The following HEATR5A variants were observed in gnomAD, a reference collection of about 807,000 sequenced individuals.
HEATR5A encodes HEAT repeat containing 5A, also known as HEAT repeat-containing protein 5A.
Under a neutral mutation model 218.8 loss-of-function variants are expected in HEATR5A, and 178 were observed. The observed-to-expected ratio is 0.81, with a 90% CI of 0.72 to 0.92. HEATR5A has a LOEUF of 0.92. HEATR5A is among the 40% of genes least tolerant of loss of function. The pLI, the probability that HEATR5A is intolerant of heterozygous loss-of-function variation, is 0.00. For synonymous variants in HEATR5A, 864 were observed against 871.6 expected, an observed-to-expected ratio of 0.99 and a Z score of 0.15; for missense variants, 2,420 against 2,418.9, an observed-to-expected ratio of 1.00 and a Z score of -0.01.
intron 16 of HEATR5A, among the ~76,000 whole-genome samples, chr14:31,352,059 C>T (rs757825490): frequency 1.3e-5 from 2 of 152,138 alleles, no homozygotes; most frequent in Non-Finnish European, 2.9e-5. Flanking sequence ...ATTTCATGTC[C>T]TTATAGCACA....
intron 21 of HEATR5A, among the ~76,000 whole-genome samples, chr14:31,339,374 C>T (rs1352933840): frequency 2.0e-5 from 3 of 146,658 alleles, no homozygotes; most frequent in Admixed American, 6.9e-5. Context: ...CGCTTGAACC[C>T]GGGAGGCAGA....
At chr14:31,374,178 C>T (rs369410646) in intron 12 of HEATR5A, among the ~76,000 whole-genome samples, 1 of 151,774 alleles carries the variant, frequency 6.6e-6, no homozygotes, top group Non-Finnish European at 1.5e-5. Context: ...TGGTGGCATG[C>T]ACCTGTGGTC....
intron 11 of HEATR5A, among the ~76,000 whole-genome samples, chr14:31,375,523 T>C (rs1388638899): frequency 6.6e-6 from 1 of 152,102 alleles, no homozygotes; most frequent in East Asian, 1.9e-4. Context: ...CAGCTCAGCC[T>C]CCTGAGTAGC....
In HEATR5A at chr14:31,341,319, AT is replaced by A. The variant is rs528462303; in HGVS notation, c.3228+2576del. On this transcript the variant is annotated intron_variant, in intron 21 of 35. Transcript: ENST00000543095. ...ATATGTAACTTTTTTTTTGATGCCT[AT>A]TTTTTTTTCCTGCAGTAAATATGTA... Among the ~76,000 whole-genome samples the A allele has an allele frequency of 9.9e-5, 15 of 150,806 alleles. 1 individual carries two copies. The highest frequency in any genetic ancestry group is 2.4e-4 in the African/African-American group (10 of 41,128).
chr14:31,396,081 G>A (rs926220015), intron 4 of HEATR5A, among the ~76,000 whole-genome samples: 2 of 152,092 alleles, frequency 1.3e-5, no homozygotes, highest in African/African-American at 2.4e-5. Context: ...GCTTGGCTGG[G>A]TGCGGTGGCT....
chr14:31,413,545 G>A (rs537217883), intron 1 of HEATR5A, among the ~76,000 whole-genome samples: 19 of 152,092 alleles, frequency 1.2e-4, no homozygotes, highest in African/African-American at 4.3e-4. Context: ...AGAACACCCC[G>A]GAAGCGTAAA....
intron 15 of HEATR5A, 21 bp downstream of exon 15, chr14:31,358,873 A>G: frequency 6.2e-7 from 1 of 1,601,216 alleles, no homozygotes; most frequent in Non-Finnish European, 8.5e-7. Context: ...GAATCTAATC[A>G]AGAGTAAAAA....
chr14:31,386,407 C>T lies in HEATR5A; in HGVS notation c.1345+13G>A, dbSNP rs1367198981. On this transcript the variant is annotated intron_variant, in intron 9 of 35. Transcript: ENST00000543095. ...GTGTACAAGGTATTCCAATGAGTCA[C>T]AAACAGATATACCTGTACTTGAATC... 1.9e-6 allele frequency: 3 copies of T among 1,609,222 alleles called. No homozygotes were observed. Among genetic ancestry groups the T allele is most frequent in the Non-Finnish European group, 2.5e-6 (3 of 1,176,982 alleles).
intron 1 of HEATR5A, among the ~76,000 whole-genome samples, chr14:31,411,772 T>C (rs533462627): frequency 6.6e-6 from 1 of 152,342 alleles, no homozygotes; most frequent in Admixed American, 6.5e-5. Context: ...TGGTGTTCTA[T>C]AGAATACAAT....
intron 2 of HEATR5A, among the ~76,000 whole-genome samples, chr14:31,401,057 T>A (rs149791188): frequency 1.6e-3 from 248 of 152,210 alleles, no homozygotes; most frequent in South Asian, 9.3e-3. Context: ...GCCAGGATGG[T>A]CTCGATCTCC....
intron 13 of HEATR5A, among the ~76,000 whole-genome samples, chr14:31,365,385 G>A (rs1901764149): frequency 6.6e-6 from 1 of 151,912 alleles, no homozygotes; most frequent in Non-Finnish European, 1.5e-5. Flanking sequence ...TTCCGAGATG[G>A]AGTCTTGCTC....
chr14:31,345,913 C>T (rs193039460), intron 19 of HEATR5A, among the ~76,000 whole-genome samples: 6 of 135,028 alleles, frequency 4.4e-5, no homozygotes, highest in African/African-American at 7.7e-5. Flanking sequence ...CATGCACACA[C>T]GCACACACAC....
Position 31,337,555 on chromosome 14 carries a change from C to T in HEATR5A, c.3288G>A (p.Gln1096=). Reference sequence around the variant, plus strand: ...CTTCAGCTGCTTCTCTTTGTACAAGCTGACGTAAGCAAGCCAGTACTGCTC... The same window carrying T: ...CTTCAGCTGCTTCTCTTTGTACAAGTTGACGTAAGCAAGCCAGTACTGCTC... ...LRRAVLACLR[Q]LVQREAAEVS... Residue 1096 remains glutamine, a synonymous_variant, in exon 22 of 36, where the codon CAG becomes CAA. Coordinates refer to ENST00000543095, the MANE Select transcript of HEATR5A (RefSeq NM_015473.4). 3 of 1,587,328 alleles carry T rather than the reference C, an allele frequency of 1.9e-6. No homozygotes were observed. The highest frequency in any genetic ancestry group is 2.7e-5 in the African/African-American group (2 of 74,564).
chr14:31,379,605 A>G (rs1183601654), intron 11 of HEATR5A, among the ~76,000 whole-genome samples: 1 of 152,178 alleles, frequency 6.6e-6, no homozygotes. Flanking sequence ...GACTTAAAAT[A>G]TAGGTGTGAT....
At position 31,293,592 on chromosome 14, in the gene HEATR5A, G is replaced by A. The variant is rs780669918; in HGVS notation, c.5854C>T (p.Leu1952Phe). The A allele has an allele frequency of 1.1e-5, 18 of 1,610,484 alleles. No homozygotes were observed. The highest frequency in any genetic ancestry group is 1.2e-5 in the Non-Finnish European group (14 of 1,178,732). ...AGGAAGGAAATGAGGATGGGCAAAA[G>A]ACAGGCCACCAGCTGAGCGCCTAGA... ...EHHRAQLVAC[L>F]LPILISFLLD... is the part of the protein sequence containing the mutation. Residue 1952 changes from leucine to phenylalanine, a missense_variant, in exon 36 of 36, where the codon CTT (leucine) becomes TTT (phenylalanine). Transcript: ENST00000543095.
At chr14:31,385,991 G>A (rs906758998) in intron 9 of HEATR5A, among the ~76,000 whole-genome samples, 1 of 152,148 alleles carries the variant, frequency 6.6e-6, no homozygotes, top group African/African-American at 2.4e-5. Flanking sequence ...GCCTCCCAAA[G>A]TGCTGGATTA....
chr14:31,326,365 T>C, intron 22 of HEATR5A, 23 bp from the exon 23 acceptor site: 1 of 1,578,818 alleles, frequency 6.3e-7, no homozygotes, highest in South Asian at 1.1e-5. Context: ...AAATCAATTA[T>C]CTAAGTAATA....
intron 11 of HEATR5A, among the ~76,000 whole-genome samples, chr14:31,377,033 G>T (rs913407774): frequency 6.6e-6 from 1 of 151,592 alleles, no homozygotes; most frequent in African/African-American, 2.4e-5. Flanking sequence ...GCCGAGGCAG[G>T]AGGACTGCTT....
chr14:31,314,692 C>G (rs1403666756), intron 27 of HEATR5A, among the ~76,000 whole-genome samples: 1 of 152,182 alleles, frequency 6.6e-6, no homozygotes. Context: ...TGAGCCACTG[C>G]ACCTGGCCAG....
Sources: allele counts gnomAD v4.1 joint callset (sites outside exome capture counted in the v4.1 genomes callset), GRCh38; gene constraint gnomAD v4.1.1; transcripts MANE v1.5; gene names NCBI Gene and HGNC (gene_info 2026-07-23, HGNC 2026-07-21).